TANK: variants seen among roughly 807,000 people sequenced by gnomAD.
The protein encoded by TANK is TRAF family member associated NFKB activator.
A neutral mutation model predicts 43.6 loss-of-function variants in TANK; 15 were observed. The ratio of observed to expected loss-of-function variants is 0.34; its 90% CI spans 0.23 to 0.53. The LOEUF (loss-of-function observed/expected upper bound fraction) is 0.53. Among genes scored for constraint, TANK ranks in the 20% least tolerant of loss-of-function variants. The pLI, the probability that TANK is intolerant of heterozygous loss-of-function variation, is 0.94. For synonymous variants in TANK, 162 were observed against 178.2 expected (o/e 0.91, Z 0.73); for missense variants, 417 against 498.6 (o/e 0.84, Z 1.56).
At position 161,161,339 on chromosome 2, in the gene TANK, A is replaced by G. The variant is rs1450756201; in HGVS notation, c.-50+853A>G. ...AGAGATGGTAGTAAAGGAAGTGAAG[A>G]AGCGACGTGAAATTGAAGGAAAAGA... On this transcript the variant is annotated intron_variant, in intron 1 of 7. Coordinates refer to ENST00000392749, the MANE Select transcript of TANK (RefSeq NM_001199135.3). 1.9e-6 allele frequency: 3 copies of G among 1,550,702 alleles called. No homozygotes were observed. In the South Asian group the frequency reaches 3.6e-5, roughly 18 times the overall value.
At chr2:161,145,262 T>G (rs1310854631) in intron 1 of TANK, among the ~76,000 whole-genome samples, 1 of 151,240 alleles carries the variant, frequency 6.6e-6, no homozygotes, top group African/African-American at 2.4e-5. Flanking sequence ...CACTGATGAG[T>G]CTTGACTCTT....
At chr2:161,228,971 A>T (rs1687771003) in intron 6 of TANK, among the ~76,000 whole-genome samples, 1 of 152,232 alleles carries the variant, frequency 6.6e-6, no homozygotes, top group Non-Finnish European at 1.5e-5. Context: ...ACACTCTATG[A>T]TGTTTGCACA....
At chr2:161,170,827 G>A (rs1317218070) in intron 1 of TANK, among the ~76,000 whole-genome samples, 1 of 152,174 alleles carries the variant, frequency 6.6e-6, no homozygotes, top group Non-Finnish European at 1.5e-5. Context: ...CACCAAGCCT[G>A]TCTAGACTGG....
At chr2:161,149,333 T>C (rs1323165146) in intron 1 of TANK, among the ~76,000 whole-genome samples, 1 of 152,222 alleles carries the variant, frequency 6.6e-6, no homozygotes, top group Non-Finnish European at 1.5e-5. Flanking sequence ...AGTGTTTATA[T>C]CATACCCTGT....
At chr2:161,179,811 T>TTTAGAG in intron 2 of TANK, 50 bp downstream of exon 2, 2 of 1,559,872 alleles carry the variant, frequency 1.3e-6, no homozygotes, top group Non-Finnish European at 1.7e-6. Flanking sequence ...TACATGGAAT[T>TTTAGAG]TTAGAGCCTT....
chr2:161,233,531 A>T (rs1688027031), intron 7 of TANK, among the ~76,000 whole-genome samples: 1 of 152,150 alleles, frequency 6.6e-6, no homozygotes, highest in African/African-American at 2.4e-5. Context: ...CATCTATTTT[A>T]TATATTCAGC....
intron 1 of TANK, chr2:161,161,280 C>T: frequency 3.2e-6 from 5 of 1,550,438 alleles, no homozygotes; most frequent in Non-Finnish European, 4.4e-6. Context: ...TATCTCACCT[C>T]ACAGGAGATG....
At chr2:161,194,918 GT>G (rs888690842) in intron 2 of TANK, among the ~76,000 whole-genome samples, 2 of 151,414 alleles carry the variant, frequency 1.3e-5, no homozygotes, top group African/African-American at 4.9e-5. Flanking sequence ...GTTCATTCTG[GT>G]TTTTTTTCCT....
intron 2 of TANK, among the ~76,000 whole-genome samples, chr2:161,196,594 C>T (rs751246746): frequency 1.7e-4 from 26 of 152,154 alleles, no homozygotes; most frequent in Non-Finnish European, 3.1e-4. Flanking sequence ...GTGGCTCACA[C>T]CTGTAATCCC....
At chr2:161,225,874 TACA>T (rs1687590513) in intron 6 of TANK, among the ~76,000 whole-genome samples, 1 of 152,200 alleles carries the variant, frequency 6.6e-6, no homozygotes, top group Admixed American at 6.5e-5. Context: ...AATGTGGTAT[TACA>T]GAAACAAAAT....
At chr2:161,162,985 T>G (rs1354267398) in intron 1 of TANK, 2 of 152,202 alleles carry the variant, frequency 1.3e-5, no homozygotes, top group Non-Finnish European at 2.9e-5. Flanking sequence ...ATTTGCAGTT[T>G]GTGAACCAAT....
At chr2:161,221,145 A>G (rs1037124847) in intron 4 of TANK, among the ~76,000 whole-genome samples, 13 of 152,216 alleles carry the variant, frequency 8.5e-5, no homozygotes, top group Non-Finnish European at 1.8e-4. Flanking sequence ...GGAAGTGTAT[A>G]TGAAAAGTAT....
At chr2:161,219,797 C>G (rs1291515825) in intron 4 of TANK, 1 of 439,602 alleles carries the variant, frequency 2.3e-6, no homozygotes. Flanking sequence ...AATATTCAAC[C>G]TCAGTTCCTC....
intron 4 of TANK, among the ~76,000 whole-genome samples, chr2:161,209,867 CATT>C (rs1287688160): frequency 6.6e-6 from 1 of 152,122 alleles, no homozygotes; most frequent in East Asian, 1.9e-4. Flanking sequence ...TAATAATTAA[CATT>C]ATTGAATGTT....
intron 2 of TANK, among the ~76,000 whole-genome samples, chr2:161,198,638 TA>T (rs1686264591): frequency 1.3e-5 from 2 of 152,254 alleles, no homozygotes; most frequent in African/African-American, 4.8e-5. Context: ...ATACTTTATA[TA>T]TTCTGTGTCT....
chr2:161,188,118 A>G (rs1685747357), intron 2 of TANK, among the ~76,000 whole-genome samples: 1 of 152,184 alleles, frequency 6.6e-6, no homozygotes, highest in Non-Finnish European at 1.5e-5. Context: ...ATCTCAAATC[A>G]GTAACTTAAC....
intron 1 of TANK, among the ~76,000 whole-genome samples, chr2:161,174,620 G>A (rs1296534632): frequency 2.0e-5 from 3 of 152,136 alleles, no homozygotes; most frequent in African/African-American, 7.2e-5. Context: ...CAATTATAAA[G>A]TTAAAGGAGA....
Position 161,179,631 on chromosome 2 carries a change from T to A in TANK, c.-32T>A, listed in dbSNP as rs1685329305. 2 of 1,610,798 alleles carry A rather than the reference T, an allele frequency of 1.2e-6. No individual in the cohort carries two copies. Among genetic ancestry groups the A allele is most frequent in the Non-Finnish European group, 1.7e-6 (2 of 1,178,456 alleles). ...TTTTGCAGACCTGTCATTTACTCCA[T>A]CCTTTATAGTGATGCTACAGGACGA... On this transcript the variant is annotated 5_prime_UTR_variant, in exon 2 of 8. Coordinates refer to ENST00000392749, the MANE Select transcript of TANK (RefSeq NM_001199135.3).
At chr2:161,184,878 GA>G (rs1174951250) in intron 2 of TANK, among the ~76,000 whole-genome samples, 1 of 152,190 alleles carries the variant, frequency 6.6e-6, no homozygotes, top group Non-Finnish European at 1.5e-5. Flanking sequence ...AGGCCTAGAA[GA>G]AGTTCTGAAT....
Sources: allele counts gnomAD v4.1 joint callset (sites outside exome capture counted in the v4.1 genomes callset), GRCh38; gene constraint gnomAD v4.1.1; transcripts MANE v1.5; gene names NCBI Gene and HGNC (gene_info 2026-07-23, HGNC 2026-07-21).